The following TAMM41 variants were observed in gnomAD, a reference collection of about 807,000 sequenced individuals.
The protein encoded by TAMM41 is phosphatidate cytidylyltransferase, mitochondrial.
A neutral mutation model predicts 44.1 loss-of-function variants in TAMM41; 36 were observed. That is an observed-to-expected ratio of 0.82 (90% CI 0.63 to 1.08). TAMM41 has a LOEUF of 1.08. Among genes scored for constraint, TAMM41 ranks in the 50% least tolerant of loss-of-function variants. The probability of loss-of-function intolerance (pLI) is 0.00; values close to 1 mark genes in which losing one functional copy is unlikely to be tolerated. For missense variants in TAMM41, 417 were observed against 404.3 expected (o/e 1.03, Z -0.27); for synonymous variants, 164 against 153.1 (o/e 1.07, Z -0.53).
intron 3 of TAMM41, 119 bp downstream of exon 3, chr3:11,839,103 A>G: frequency 1.7e-6 from 1 of 595,560 alleles, no homozygotes; most frequent in Middle Eastern, 2.7e-4. Context: ...GGGAATAGGA[A>G]GAGTCAGAAA....
the TAMM41 span, among the ~76,000 whole-genome samples, chr3:11,766,733 AT>A: frequency 1.3e-5 from 2 of 150,882 alleles, no homozygotes; most frequent in East Asian, 3.9e-4. Flanking sequence ...CATCTGGCAA[AT>A]TTTTTTTACT....
the TAMM41 span, among the ~76,000 whole-genome samples, chr3:11,725,310 TTTC>T: frequency 5.6e-5 from 4 of 71,482 alleles, no homozygotes; most frequent in Admixed American, 3.0e-4. Flanking sequence ...TCCTCCTTTT[TTTC>T]TTCTCCTCCT....
the TAMM41 span, among the ~76,000 whole-genome samples, chr3:11,726,603 A>G: frequency 6.6e-6 from 1 of 152,096 alleles, no homozygotes; most frequent in African/African-American, 2.4e-5. Context: ...GGAGTTTGAG[A>G]CCAGCCTGGG....
Position 11,846,856 on chromosome 3 carries a change from G to T in TAMM41, c.-220C>A. 2 of 579,424 alleles carry T rather than the reference G, an allele frequency of 3.5e-6. No individual in the cohort carries two copies. The highest frequency in any genetic ancestry group is 2.0e-5 in the South Asian group (1 of 49,734). The allele number at this position is 579,424 out of a possible 1,614,324, so 35.9% of individuals were successfully genotyped here. On this transcript the variant is annotated 5_prime_UTR_variant, in exon 1 of 8. Transcript: ENST00000455809. Reference sequence around the variant, plus strand: ...AGACGCAGCCCAGATAGGCTCGGGTGGGCGGCGGTCGCACAGGCAGAGCTT... The same window carrying T: ...AGACGCAGCCCAGATAGGCTCGGGTTGGCGGCGGTCGCACAGGCAGAGCTT...
chr3:11,748,148 T>C, the TAMM41 span, among the ~76,000 whole-genome samples: 1 of 152,108 alleles, frequency 6.6e-6, no homozygotes, highest in South Asian at 2.1e-4. Flanking sequence ...GTGTTGGGAT[T>C]ACAGGCGGGA....
chr3:11,756,166 A>G, the TAMM41 span, among the ~76,000 whole-genome samples: 1 of 152,232 alleles, frequency 6.6e-6, no homozygotes, highest in Non-Finnish European at 1.5e-5. Context: ...AATAAATGTT[A>G]GCGCCCCTTC....
chr3:11,767,625 C>CTTTTTTTTTTTT, the TAMM41 span, among the ~76,000 whole-genome samples: 1 of 27,908 alleles, frequency 3.6e-5, no homozygotes, highest in African/African-American at 2.7e-4. Flanking sequence ...ACACGTTGTG[C>CTTTTTTTTTTTT]ATTTTTTTTT....
At chr3:11,741,557 C>T in the TAMM41 span, among the ~76,000 whole-genome samples, 2,059 of 150,244 alleles carry the variant, frequency 0.014, 49 homozygotes, top group Non-Finnish European at 0.019. Context: ...CTTCCACCCA[C>T]TAACTAAGCA....
intron 5 of TAMM41, among the ~76,000 whole-genome samples, chr3:11,813,635 T>C (rs1355439169): frequency 6.6e-6 from 1 of 152,026 alleles, no homozygotes; most frequent in East Asian, 1.9e-4. Context: ...CCAGCCTGTA[T>C]TTTAGTGCCT....
chr3:11,729,538 C>CCTTTTTTTTTTTTTTTTTTTTTTTTT, the TAMM41 span, among the ~76,000 whole-genome samples: 1 of 65,540 alleles, frequency 1.5e-5, no homozygotes, highest in Non-Finnish European at 3.0e-5. Flanking sequence ...TTCTTTCTTT[C>CCTTTTTTTTTTTTTTTTTTTTTTTTT]ATTTTTTTTT....
chr3:11,769,338 C>T, the TAMM41 span, among the ~76,000 whole-genome samples: 6 of 151,262 alleles, frequency 4.0e-5, no homozygotes, highest in Non-Finnish European at 5.9e-5. Flanking sequence ...AATCCATCTG[C>T]CTTGGCCTCC....
rs2078026401 is a variant in TAMM41 at position 11,809,642 on chromosome 3, G to C, written c.749C>G (p.Thr250Arg). ...SPEGQFTQLM[T>R]LPKTLQQQIN... is the part of the protein sequence containing the mutation. ...CTGTTGCTGTAAGGTTTTGGGCAATGTCATCAGCTGAGTGAACTGTCCTTC... is the reference window on the plus strand; with the variant it reads ...CTGTTGCTGTAAGGTTTTGGGCAATCTCATCAGCTGAGTGAACTGTCCTTC... Residue 250 changes from threonine to arginine, a missense_variant, in exon 6 of 8, where the codon ACA (threonine) becomes AGA (arginine). Transcript: ENST00000455809. 1 of 1,613,926 alleles carries C rather than the reference G, an allele frequency of 6.2e-7. No individual in the cohort carries two copies. Among genetic ancestry groups the C allele is most frequent in the Admixed American group, 1.7e-5 (1 of 59,968 alleles).
At chr3:11,821,379 T>C (rs1187963533) in intron 4 of TAMM41, among the ~76,000 whole-genome samples, 1 of 152,224 alleles carries the variant, frequency 6.6e-6, no homozygotes, top group Non-Finnish European at 1.5e-5. Context: ...AGGCATTTGA[T>C]TCTCATAAAA....
the TAMM41 span, among the ~76,000 whole-genome samples, chr3:11,784,787 TTTTC>T: frequency 4.3e-5 from 6 of 140,154 alleles, no homozygotes; most frequent in African/African-American, 1.7e-4. Flanking sequence ...AGAACACTTC[TTTTC>T]TTTTCTTTTT....
chr3:11,844,282 C>T, intron 1 of TAMM41, 71 bp from the exon 2 acceptor site: 1 of 1,432,286 alleles, frequency 7.0e-7, no homozygotes, highest in South Asian at 1.3e-5. Flanking sequence ...CATGGAAAAG[C>T]TCTAACATAC....
the TAMM41 span, among the ~76,000 whole-genome samples, chr3:11,733,291 A>T: frequency 6.6e-6 from 1 of 151,924 alleles, no homozygotes; most frequent in Admixed American, 6.6e-5. Flanking sequence ...GAGCCACCGC[A>T]CCAAGCCTGT....
the TAMM41 span, among the ~76,000 whole-genome samples, chr3:11,741,249 T>C: frequency 2.3e-5 from 3 of 133,254 alleles, no homozygotes; most frequent in Admixed American, 1.5e-4. Flanking sequence ...ATCAGGGCTC[T>C]GGCACTGGTG....
In TAMM41 at chr3:11,839,209, A is replaced by G; in HGVS notation, c.411+13T>C. ...AAAGGCATCCTTAACTGTGCAGCCT[A>G]TAAAACACTCACCGGTTTTTGGAGT... On this transcript the variant is annotated intron_variant, in intron 3 of 7. Coordinates refer to ENST00000455809, the MANE Select transcript of TAMM41 (RefSeq NM_001284401.2). The G allele has an allele frequency of 6.3e-7, 1 of 1,591,580 alleles. No homozygotes were observed. Among genetic ancestry groups the G allele is most frequent in the South Asian group, 1.1e-5 (1 of 89,982 alleles).
At chr3:11,814,497 G>A (rs1358372273) in intron 5 of TAMM41, among the ~76,000 whole-genome samples, 2 of 151,698 alleles carry the variant, frequency 1.3e-5, no homozygotes, top group African/African-American at 4.8e-5. Flanking sequence ...AATAAACGAA[G>A]AGACGAGAGA....
Sources: gnomAD v4.1 joint callset for allele counts (sites outside exome capture counted in the v4.1 genomes callset) on GRCh38, gnomAD v4.1.1 for gene constraint, MANE v1.5 for transcripts, NCBI Gene and HGNC (gene_info 2026-07-23, HGNC 2026-07-21) for gene names.